USP24: variants seen among roughly 807,000 people sequenced by gnomAD.
USP24 encodes ubiquitin specific peptidase 24.
A neutral mutation model predicts 361.6 loss-of-function variants in USP24; 97 were observed. The ratio of observed to expected loss-of-function variants is 0.27; its 90% confidence interval spans 0.23 to 0.32. USP24 has a LOEUF of 0.32. Among genes scored for constraint, USP24 ranks in the 10% least tolerant of loss-of-function variants. The pLI, the probability that USP24 is intolerant of heterozygous loss-of-function variation, is 1.00. For synonymous variants in USP24, 1,098 were observed against 1,124.6 expected, an observed-to-expected ratio of 0.98 and a Z score of 0.47; for missense variants, 2,353 against 3,165.6, an observed-to-expected ratio of 0.74 and a Z score of 6.16.
rs777413945 is a variant in USP24, at chr1:55,157,269, C to A, written c.1329G>T (p.Ser443=). ...LDWLVENSVL[S]IALEGNIDQA... ...AAAGCAACTTACCTTCCAGTGCAAT[C>A]GACAGAACTGAGTTTTCAACTAGCC... is the stretch of plus-strand genomic sequence containing the variant. Residue 443 remains serine (S), a synonymous_variant, in exon 11 of 68, where the codon TCG becomes TCT. Coordinates refer to ENST00000294383, the MANE Select transcript of USP24 (RefSeq NM_015306.3). 5 of 1,597,408 alleles carry A rather than the reference C, an allele frequency of 3.1e-6. No homozygotes were observed. The highest frequency in any genetic ancestry group is 2.7e-5 in the African/African-American group (2 of 73,958).
At chr1:55,180,921 T>C (rs1021772577) in intron 1 of USP24, among the ~76,000 whole-genome samples, 2 of 152,206 alleles carry the variant, frequency 1.3e-5, no homozygotes, top group Admixed American at 6.5e-5. Context: ...TATTGTTAAA[T>C]GGAAAAATAA....
At chr1:55,084,003 C>T in intron 56 of USP24, 115 bp from the exon 57 acceptor site, 1 of 801,350 alleles carries the variant, frequency 1.2e-6, no homozygotes, top group South Asian at 1.7e-5. Context: ...TGATACAATC[C>T]AGTCTCAGAT....
intron 1 of USP24, among the ~76,000 whole-genome samples, chr1:55,207,406 T>C (rs1644739924): frequency 6.6e-6 from 1 of 152,218 alleles, no homozygotes; most frequent in Non-Finnish European, 1.5e-5. Context: ...ACAAAGATTT[T>C]AATTTCAGAA....
intron 3 of USP24, 89 bp from the exon 4 acceptor site, chr1:55,172,609 G>A: frequency 7.4e-7 from 1 of 1,360,488 alleles, no homozygotes; most frequent in Non-Finnish European, 9.7e-7. Context: ...ATAAGTGAGA[G>A]ATTATGATGA....
At chr1:55,179,790 T>C (rs1643908889) in intron 1 of USP24, among the ~76,000 whole-genome samples, 1 of 152,068 alleles carries the variant, frequency 6.6e-6, no homozygotes, top group Non-Finnish European at 1.5e-5. Flanking sequence ...TTCTCTCCAA[T>C]TCCTCTACTT....
chr1:55,172,567 A>C (rs1284542426), intron 3 of USP24, 47 bp from the exon 4 acceptor site: 1 of 1,558,434 alleles, frequency 6.4e-7, no homozygotes, highest in Non-Finnish European at 8.7e-7. Flanking sequence ...GAAAAAAGAA[A>C]ATAAATCTAC....
At chr1:55,119,698 T>C (rs1007463336) in intron 38 of USP24, among the ~76,000 whole-genome samples, 1 of 151,918 alleles carries the variant, frequency 6.6e-6, no homozygotes, top group African/African-American at 2.4e-5. Context: ...AATAGTTATA[T>C]ATATAGATAT....
At chr1:55,075,583 T>A (rs553757975) in intron 62 of USP24, 60 bp from the exon 63 acceptor site, 22 of 1,280,926 alleles carry the variant, frequency 1.7e-5, no homozygotes, top group Non-Finnish European at 2.2e-6. Flanking sequence ...TAGCCACGGG[T>A]GCTTTCTTTA....
At chr1:55,185,709 C>T (rs995670434) in intron 1 of USP24, among the ~76,000 whole-genome samples, 1 of 148,400 alleles carries the variant, frequency 6.7e-6, no homozygotes, top group Non-Finnish European at 1.5e-5. Flanking sequence ...CACAGAAGCA[C>T]ACCACCATAC....
intron 8 of USP24, among the ~76,000 whole-genome samples, chr1:55,160,087 G>A (rs1315520767): frequency 2.6e-5 from 4 of 152,186 alleles, no homozygotes; most frequent in African/African-American, 9.6e-5. Context: ...GCTTACTGAT[G>A]TGAATGAGGC....
At chr1:55,071,964 C>T in intron 66 of USP24, 40 bp from the exon 67 acceptor site, 1 of 1,541,718 alleles carries the variant, frequency 6.5e-7, no homozygotes. Flanking sequence ...AGTTAGGGCC[C>T]ATTCAGTGGC....
chr1:55,069,703 GATAA>G (rs1644881028), intron 67 of USP24, among the ~76,000 whole-genome samples: 1 of 151,568 alleles, frequency 6.6e-6, no homozygotes, highest in Admixed American at 6.6e-5. Flanking sequence ...GAGTACATTT[GATAA>G]ATAAAATTCA....
chr1:55,149,763 GTTC>G (rs754789867), intron 16 of USP24, among the ~76,000 whole-genome samples: 50 of 152,298 alleles, frequency 3.3e-4, no homozygotes, highest in Non-Finnish European at 6.8e-4. Context: ...AAAGGTATTT[GTTC>G]TTCTACCTAT....
intron 61 of USP24, 133 bp downstream of exon 61, chr1:55,078,405 A>C: frequency 2.2e-6 from 1 of 451,970 alleles, no homozygotes; most frequent in East Asian, 3.6e-5. Flanking sequence ...AATAAAACTG[A>C]GCCTATACTA....
chr1:55,169,584 G>C (rs994251661), intron 5 of USP24, among the ~76,000 whole-genome samples: 7 of 152,116 alleles, frequency 4.6e-5, no homozygotes, highest in African/African-American at 1.7e-4. Context: ...ATGGAGGAGA[G>C]AGAGACTTCT....
chr1:55,093,705 T>C (rs1238617931), intron 52 of USP24: 1 of 442,414 alleles, frequency 2.3e-6, no homozygotes. Context: ...AGCAGGTCAG[T>C]GATTGTGCCT....
intron 41 of USP24, among the ~76,000 whole-genome samples, chr1:55,104,900 T>C (rs1645730434): frequency 6.6e-6 from 1 of 152,312 alleles, no homozygotes; most frequent in African/African-American, 2.4e-5. Context: ...TAAAAGTTGC[T>C]TTATTACTGT....
At chr1:55,107,999 G>A (rs917072048) in intron 39 of USP24, among the ~76,000 whole-genome samples, 1 of 152,100 alleles carries the variant, frequency 6.6e-6, no homozygotes, top group East Asian at 1.9e-4. Flanking sequence ...GCCATATGCT[G>A]AGGCTATAAG....
At chr1:55,136,534 G>A (rs1355263265) in intron 28 of USP24, among the ~76,000 whole-genome samples, 2 of 152,128 alleles carry the variant, frequency 1.3e-5, no homozygotes, top group East Asian at 1.9e-4. Context: ...GAGCAGTTAG[G>A]GCACTACTAA....
Sources: gnomAD v4.1 joint callset for allele counts (sites outside exome capture counted in the v4.1 genomes callset) on GRCh38, gnomAD v4.1.1 for gene constraint, MANE v1.5 for transcripts, NCBI Gene and HGNC (gene_info 2026-07-23, HGNC 2026-07-21) for gene names.